NEGR1: variants seen among roughly 807,000 people sequenced by gnomAD.
The protein encoded by NEGR1 is IgLON family member 4.
A neutral mutation model predicts 40.9 loss-of-function variants in NEGR1; 10 were observed. The ratio of observed to expected loss-of-function variants is 0.24; its 90% CI spans 0.15 to 0.42. The LOEUF is 0.42. NEGR1 is among the 10% of genes least tolerant of loss of function. The probability of loss-of-function intolerance (pLI) is 1.00; values close to 1 mark genes in which losing one functional copy is unlikely to be tolerated. For synonymous variants in NEGR1, 185 were observed against 166.8 expected (o/e 1.11, Z -0.84); for missense variants, 352 against 438.9 (o/e 0.80, Z 1.77).
At chr1:72,076,890 C>CTT (rs56943357) in intron 1 of NEGR1, among the ~76,000 whole-genome samples, 16,390 of 101,578 alleles carry the variant, frequency 0.16, 1,434 homozygotes, top group East Asian at 0.24. Context: ...CTCATTTATC[C>CTT]TTTTTTTTTT....
At chr1:71,857,193 G>A (rs1432308447) in intron 2 of NEGR1, among the ~76,000 whole-genome samples, 2 of 151,920 alleles carry the variant, frequency 1.3e-5, no homozygotes, top group Admixed American at 6.6e-5. Flanking sequence ...CTTCATTGCT[G>A]TAAAAGAGAA....
chr1:71,493,116 T>A (rs535261941), intron 6 of NEGR1, among the ~76,000 whole-genome samples: 1 of 152,290 alleles, frequency 6.6e-6, no homozygotes, highest in South Asian at 2.1e-4. Flanking sequence ...TTTATCCTTC[T>A]GTTCTACAGT....
chr1:71,733,762 A>C (rs1176426274), intron 3 of NEGR1, among the ~76,000 whole-genome samples: 1 of 152,186 alleles, frequency 6.6e-6, no homozygotes, highest in Non-Finnish European at 1.5e-5. Flanking sequence ...GTAGTGATAT[A>C]ATTGTAGACC....
At chr1:71,923,096 T>C (rs1221556652) in intron 2 of NEGR1, among the ~76,000 whole-genome samples, 3 of 152,302 alleles carry the variant, frequency 2.0e-5, no homozygotes, top group East Asian at 3.9e-4. Context: ...ATCCATTAAA[T>C]ATTTATTTCA....
chr1:71,897,447 G>T (rs559435380), intron 2 of NEGR1, among the ~76,000 whole-genome samples: 2 of 152,254 alleles, frequency 1.3e-5, no homozygotes, highest in South Asian at 4.1e-4. Context: ...CCTGCAAAAG[G>T]AGAAGTGTGA....
chr1:71,631,824 T>C (rs1033620768), intron 4 of NEGR1, among the ~76,000 whole-genome samples: 2 of 151,774 alleles, frequency 1.3e-5, no homozygotes, highest in African/African-American at 4.8e-5. Context: ...ACAAAGATCA[T>C]ACAAGAATTA....
intron 1 of NEGR1, among the ~76,000 whole-genome samples, chr1:72,003,349 C>A (rs151077848): frequency 6.6e-6 from 1 of 152,038 alleles, no homozygotes; most frequent in East Asian, 1.9e-4. Context: ...CAGCACACTG[C>A]AGCCTGCCAA....
intron 1 of NEGR1, among the ~76,000 whole-genome samples, chr1:71,965,272 G>A (rs2100304165): frequency 1.3e-5 from 2 of 152,190 alleles, no homozygotes; most frequent in East Asian, 3.9e-4. Flanking sequence ...CAGTGAACCA[G>A]GGAATAAAAC....
chr1:71,795,748 A>G (rs1405786619), intron 2 of NEGR1, among the ~76,000 whole-genome samples: 2 of 152,302 alleles, frequency 1.3e-5, no homozygotes, highest in Non-Finnish European at 2.9e-5. Context: ...CAAAATGCTG[A>G]GTGCAAAAAG....
chr1:72,111,984 G>A (rs1024218519), intron 1 of NEGR1, among the ~76,000 whole-genome samples: 6 of 151,750 alleles, frequency 4.0e-5, no homozygotes. Flanking sequence ...CGATCATTAA[G>A]TTCTTATAGT....
At chr1:71,417,126 T>G (rs1646361176) in intron 6 of NEGR1, among the ~76,000 whole-genome samples, 1 of 152,204 alleles carries the variant, frequency 6.6e-6, no homozygotes, top group South Asian at 2.1e-4. Context: ...CAAGTCCTCT[T>G]TTCTCCTACA....
At chr1:72,105,719 A>C (rs1649109962) in intron 1 of NEGR1, among the ~76,000 whole-genome samples, 1 of 152,120 alleles carries the variant, frequency 6.6e-6, no homozygotes, top group Non-Finnish European at 1.5e-5. Context: ...CACACAAGTA[A>C]TGCTGACAGA....
At chr1:71,781,398 T>C (rs1311261810) in intron 2 of NEGR1, among the ~76,000 whole-genome samples, 2 of 152,198 alleles carry the variant, frequency 1.3e-5, no homozygotes, top group East Asian at 1.9e-4. Context: ...CTGACAGTTA[T>C]TTTAACTGTA....
chr1:72,049,805 T>A (rs968293295), intron 1 of NEGR1, among the ~76,000 whole-genome samples: 1 of 151,564 alleles, frequency 6.6e-6, no homozygotes, highest in African/African-American at 2.4e-5. Flanking sequence ...AGCTAAATTG[T>A]TGGTGTTATT....
chr1:72,156,999 G>A (rs1317116327), intron 1 of NEGR1, among the ~76,000 whole-genome samples: 2 of 151,846 alleles, frequency 1.3e-5, no homozygotes, highest in African/African-American at 2.4e-5. Flanking sequence ...GTGTCTCTCC[G>A]TTATCCAGGC....
chr1:72,155,584 T>A (rs144297204), intron 1 of NEGR1, among the ~76,000 whole-genome samples: 2 of 152,200 alleles, frequency 1.3e-5, no homozygotes, highest in East Asian at 1.9e-4. Flanking sequence ...AAAATATGTA[T>A]CTTCATTGTC....
chr1:71,588,918 G>A (rs1026527253), intron 6 of NEGR1, among the ~76,000 whole-genome samples: 2 of 152,094 alleles, frequency 1.3e-5, no homozygotes, highest in African/African-American at 2.4e-5. Flanking sequence ...TAATCAGAAA[G>A]CAATCCTAAT....
chr1:71,827,967 G>T (rs1658698958), intron 2 of NEGR1, among the ~76,000 whole-genome samples: 2 of 151,864 alleles, frequency 1.3e-5, no homozygotes, highest in Admixed American at 1.3e-4. Context: ...ATTTCTTATA[G>T]ATTCTGAAAG....
chr1:72,065,135 A>T (rs2100500450), intron 1 of NEGR1, among the ~76,000 whole-genome samples: 1 of 152,190 alleles, frequency 6.6e-6, no homozygotes, highest in South Asian at 2.1e-4. Context: ...AAATACAAAT[A>T]AGTGTAATCA....
Sources: allele counts gnomAD v4.1 joint callset (sites outside exome capture counted in the v4.1 genomes callset), GRCh38; gene constraint gnomAD v4.1.1; transcripts MANE v1.5; gene names NCBI Gene and HGNC (gene_info 2026-07-23, HGNC 2026-07-21).